The following VSNL1 variants were observed in gnomAD, a reference collection of about 807,000 sequenced individuals.
VSNL1 encodes visinin-like protein 1.
Under a neutral mutation model 20.4 loss-of-function variants are expected in VSNL1, and 6 were observed. That is an observed-to-expected ratio of 0.29 (90% CI 0.16 to 0.58). The LOEUF is 0.58. VSNL1 is among the 20% of genes least tolerant of loss of function. The pLI, the probability that VSNL1 is intolerant of heterozygous loss-of-function variation, is 0.90. For synonymous variants in VSNL1, 93 were observed against 86.4 expected, an observed-to-expected ratio of 1.08 and a Z score of -0.42; for missense variants, 100 against 234.5, an observed-to-expected ratio of 0.43 and a Z score of 3.75.
chr2:17,630,782 T>A (rs1665611715), intron 2 of VSNL1, among the ~76,000 whole-genome samples: 1 of 152,192 alleles, frequency 6.6e-6, no homozygotes, highest in Non-Finnish European at 1.5e-5. Flanking sequence ...TTTTATTTTT[T>A]TTTAATTTAT....
chr2:17,555,689 C>T (rs78217557), intron 1 of VSNL1, among the ~76,000 whole-genome samples: 4,458 of 152,142 alleles, frequency 0.029, 64 homozygotes, highest in Middle Eastern at 0.054. Flanking sequence ...ATCATTTTTT[C>T]TCCAAAGAGA....
At chr2:17,609,166 T>C (rs1302854027) in intron 2 of VSNL1, among the ~76,000 whole-genome samples, 2 of 152,166 alleles carry the variant, frequency 1.3e-5, no homozygotes, top group Admixed American at 6.5e-5. Context: ...AAGGCCTCGG[T>C]CTCTTTCTCT....
chr2:17,635,294 G>C (rs1484340324), intron 2 of VSNL1, among the ~76,000 whole-genome samples: 1 of 152,174 alleles, frequency 6.6e-6, no homozygotes, highest in African/African-American at 2.4e-5. Flanking sequence ...CCAGAAAATA[G>C]AATCCTGACA....
chr2:17,594,563 T>A (rs1419350965), intron 2 of VSNL1, among the ~76,000 whole-genome samples: 3 of 152,200 alleles, frequency 2.0e-5, no homozygotes, highest in Non-Finnish European at 1.5e-5. Flanking sequence ...CAAGACACGG[T>A]CATTATCCTG....
intron 1 of VSNL1, among the ~76,000 whole-genome samples, chr2:17,560,716 G>A (rs1244665291): frequency 6.6e-6 from 1 of 152,094 alleles, no homozygotes; most frequent in African/African-American, 2.4e-5. Context: ...CAATCAAGAA[G>A]CTATAAAATA....
intron 2 of VSNL1, among the ~76,000 whole-genome samples, chr2:17,638,207 C>T (rs1024318539): frequency 2.0e-5 from 3 of 152,114 alleles, no homozygotes; most frequent in Non-Finnish European, 4.4e-5. Flanking sequence ...TGACCCTGGG[C>T]AGGTTACATA....
In VSNL1 at chr2:17,653,741, A is replaced by G. The variant is rs111286734; in HGVS notation, c.379-1456A>G. Among the ~76,000 whole-genome samples, 1,111 of 152,382 alleles carry G rather than the reference A, an allele frequency of 7.3e-3. 10 individuals are homozygous for G. Among genetic ancestry groups the G allele is most frequent in the Non-Finnish European group, 0.013 (880 of 68,038 alleles). ...ATTTCTAAAAACAACTTTATGAGTT[A>G]TAACTTACAGACCATAAATTCACCC... On this transcript the variant is annotated intron_variant, in intron 3 of 3. Transcript: ENST00000295156.
chr2:17,637,203 C>T (rs1304908009), intron 2 of VSNL1, among the ~76,000 whole-genome samples: 1 of 152,156 alleles, frequency 6.6e-6, no homozygotes, highest in African/African-American at 2.4e-5. Context: ...CAGGGGAGCC[C>T]GGAGAGCCTG....
intron 1 of VSNL1, among the ~76,000 whole-genome samples, chr2:17,544,046 G>GA (rs1344873487): frequency 2.6e-5 from 4 of 152,108 alleles, no homozygotes; most frequent in African/African-American, 9.7e-5. Context: ...ATTCTTACAT[G>GA]AAAAAAGCTG....
intron 1 of VSNL1, among the ~76,000 whole-genome samples, chr2:17,553,103 A>G (rs753492715): frequency 4.6e-5 from 7 of 152,176 alleles, no homozygotes; most frequent in Admixed American, 2.6e-4. Context: ...GGAGGAAAGA[A>G]AAAGGAAAAA....
At position 17,656,084 on chromosome 2, in the gene VSNL1, C is replaced by T. The variant is rs1240539984; in HGVS notation, c.*690C>T. The T allele has an allele frequency of 6.6e-6, 1 of 152,442 alleles. No individual in the cohort carries two copies. The highest frequency in any genetic ancestry group is 1.5e-5 in the Non-Finnish European group (1 of 68,022). 9.4% of individuals were successfully genotyped at this position (152,442 alleles called of 1,614,324 possible). ...ACATATACACAAAGATATTATTTATCGAAAGTAAAAAAGATGGAAGTGTAT... is the reference window on the plus strand; with the variant it reads ...ACATATACACAAAGATATTATTTATTGAAAGTAAAAAAGATGGAAGTGTAT... On this transcript the variant is annotated 3_prime_UTR_variant, in exon 4 of 4. Coordinates refer to ENST00000295156, the MANE Select transcript of VSNL1 (RefSeq NM_003385.5).
At chr2:17,597,157 C>T (rs368319837) in intron 2 of VSNL1, among the ~76,000 whole-genome samples, 1 of 152,162 alleles carries the variant, frequency 6.6e-6, no homozygotes, top group African/African-American at 2.4e-5. Context: ...GCAGGACATA[C>T]TATGAGGCAG....
chr2:17,650,322 C>A (rs995568774), intron 3 of VSNL1, among the ~76,000 whole-genome samples: 1 of 152,162 alleles, frequency 6.6e-6, no homozygotes, highest in Non-Finnish European at 1.5e-5. Context: ...GCAATCTAAC[C>A]CTTACCAAGA....
At position 17,649,474 on chromosome 2, in the gene VSNL1, G is replaced by C. The variant is rs1018805253; in HGVS notation, c.227G>C (p.Gly76Ala). The change falls in exon 3 of 4, where the codon GGG (glycine) becomes GCG (alanine). Residue 76 changes from glycine (G) to alanine (A), a missense_variant. Physicochemically the swap from Gly to Ala is moderately conservative, Grantham distance 60. Transcript: ENST00000295156. This position sits in a 1 kb window ranked among gnomAD's most constrained non-coding sequence, Gnocchi z 6.4. ...QHAFRTFDKNGDGTIDFREFI... is the reference protein window; with the variant it reads ...QHAFRTFDKNADGTIDFREFI... ...GCCTTCCGAACCTTCGACAAGAATGGGGACGGCACCATTGACTTCCGAGAG... is the reference window on the plus strand; with the variant it reads ...GCCTTCCGAACCTTCGACAAGAATGCGGACGGCACCATTGACTTCCGAGAG... 13 of 1,614,144 alleles carry C rather than the reference G, an allele frequency of 8.1e-6. No individual in the cohort carries two copies. The highest frequency in any genetic ancestry group is 1.1e-5 in the Non-Finnish European group (13 of 1,180,024).
At chr2:17,611,044 A>G (rs1665072162) in intron 2 of VSNL1, among the ~76,000 whole-genome samples, 1 of 152,252 alleles carries the variant, frequency 6.6e-6, no homozygotes, top group African/African-American at 2.4e-5. Flanking sequence ...TGAGAGAAAC[A>G]GAGAAGGAGA....
In VSNL1 at chr2:17,655,110, G is replaced by A. The variant is rs1311520194; in HGVS notation, c.379-87G>A. 1 of 1,357,508 alleles carries A rather than the reference G, an allele frequency of 7.4e-7. No homozygotes were observed. Among genetic ancestry groups the A allele is most frequent in the Admixed American group, 1.8e-5 (1 of 54,882 alleles). 84.1% of individuals were successfully genotyped at this position (1,357,508 alleles called of 1,614,324 possible). On this transcript the variant is annotated intron_variant, in intron 3 of 3. Coordinates refer to ENST00000295156, the MANE Select transcript of VSNL1 (RefSeq NM_003385.5). The surrounding 1 kb of genome is among the most constrained non-coding windows in gnomAD (Gnocchi z 5.2). ...AAGCTGAGGCTTGGAGGATGGGTGG[G>A]ATCCCGTCAGGTGAAAGGGAGGCAA... is the stretch of plus-strand genomic sequence containing the variant.
intron 2 of VSNL1, among the ~76,000 whole-genome samples, chr2:17,646,587 C>T (rs531260553): frequency 8.5e-5 from 13 of 152,348 alleles, no homozygotes; most frequent in African/African-American, 2.9e-4. Flanking sequence ...CATACACACA[C>T]ACATATACAT....
intron 2 of VSNL1, 92 bp downstream of exon 2, chr2:17,592,328 T>A: frequency 7.3e-7 from 1 of 1,360,916 alleles, no homozygotes; most frequent in Non-Finnish European, 1.0e-6. Context: ...TAACTCTAAG[T>A]AGCTAGTTTG....
At chr2:17,543,285 A>G (rs1009955158) in intron 1 of VSNL1, among the ~76,000 whole-genome samples, 4 of 152,234 alleles carry the variant, frequency 2.6e-5, no homozygotes, top group African/African-American at 7.2e-5. Flanking sequence ...AGCGTATCAG[A>G]ATCTGCAGTT....
Sources: gnomAD v4.1 joint callset for allele counts (sites outside exome capture counted in the v4.1 genomes callset) on GRCh38, gnomAD v4.1.1 for gene constraint, Gnocchi (gnomAD v3.1) non-coding constraint, MANE v1.5 for transcripts, NCBI Gene and HGNC (gene_info 2026-07-23, HGNC 2026-07-21) for gene names.